NSUN7: variants seen among roughly 807,000 people sequenced by gnomAD.
NSUN7 encodes protein NSUN7.
Under a neutral mutation model 58.5 loss-of-function variants are expected in NSUN7, and 39 were observed. The observed-to-expected ratio is 0.67, with a 90% CI of 0.52 to 0.87. The LOEUF (loss-of-function observed/expected upper bound fraction) is 0.87, where lower values mean the gene tolerates loss of function less well. NSUN7 is among the 40% of genes least tolerant of loss of function. The probability of loss-of-function intolerance (pLI) is 0.00; values close to 1 mark genes in which losing one functional copy is unlikely to be tolerated. For missense variants in NSUN7, 765 were observed against 844.1 expected (o/e 0.91, Z 1.16); for synonymous variants, 278 against 303.7 (o/e 0.92, Z 0.88).
chr4:40,764,765 T>C (rs199785543), intron 4 of NSUN7, among the ~76,000 whole-genome samples: 43,390 of 151,274 alleles, frequency 0.29, 6,540 homozygotes, highest in Non-Finnish European at 0.33. Context: ...TTTTAATGAT[T>C]GCCATTCTAA....
intron 10 of NSUN7, among the ~76,000 whole-genome samples, chr4:40,801,901 C>CAAAAAAAAAAAAAAA (rs56868885): frequency 1.9e-5 from 2 of 107,402 alleles, no homozygotes; most frequent in Non-Finnish European, 4.0e-5. Flanking sequence ...GACTCTGTCT[C>CAAAAAAAAAAAAAAA]AAAAAAAAAA....
intron 7 of NSUN7, among the ~76,000 whole-genome samples, chr4:40,785,539 T>A (rs1184051909): frequency 1.3e-5 from 2 of 151,948 alleles, no homozygotes; most frequent in African/African-American, 4.8e-5. Flanking sequence ...TTTAGTATTT[T>A]TAGTAGAGAT....
At chr4:40,799,968 C>G (rs565771301) in intron 10 of NSUN7, among the ~76,000 whole-genome samples, 2 of 152,258 alleles carry the variant, frequency 1.3e-5, no homozygotes, top group East Asian at 1.9e-4. Context: ...AAAACAAAAG[C>G]CTTTTTCCAA....
chr4:40,786,527 A>G (rs2953325), intron 7 of NSUN7: 1,275,229 of 1,613,044 alleles, frequency 0.79, 507,618 homozygotes, highest in African/African-American at 0.87. Context: ...CAAGATTTGA[A>G]GAACTCATTG....
chr4:40,761,387 A>G, intron 4 of NSUN7, 86 bp downstream of exon 4: 1 of 1,064,808 alleles, frequency 9.4e-7, no homozygotes, highest in Non-Finnish European at 1.4e-6. Flanking sequence ...TAATGTGTAG[A>G]TAAGAGTTAA....
In NSUN7 at chr4:40,809,110, G is replaced by A. The variant is rs75287133; in HGVS notation, c.*171G>A. On this transcript the variant is annotated 3_prime_UTR_variant, in exon 12 of 12. Coordinates refer to ENST00000381782, the MANE Select transcript of NSUN7 (RefSeq NM_024677.6). ...ATTCAGACAAGTGAGAAACAATAAT[G>A]TAGGAGTCAGCAAAGCAGAATTCAG... 934 of 694,566 alleles carry A rather than the reference G, an allele frequency of 1.3e-3. 6 individuals are homozygous for A. In the African/African-American group the frequency reaches 0.014, roughly 11 times the overall value. 43.0% of individuals were successfully genotyped at this position (694,566 alleles called of 1,614,324 possible).
At chr4:40,761,712 G>GA (rs552743785) in intron 4 of NSUN7, among the ~76,000 whole-genome samples, 3 of 151,132 alleles carry the variant, frequency 2.0e-5, no homozygotes, top group East Asian at 3.9e-4. Context: ...CCAAAGTAAA[G>GA]AAAAAAAAAT....
chr4:40,803,135 T>C (rs1242246016), intron 10 of NSUN7, among the ~76,000 whole-genome samples: 10 of 151,962 alleles, frequency 6.6e-5, no homozygotes, highest in African/African-American at 9.7e-5. Context: ...TTTATGGCTG[T>C]ATAGTATTCC....
At chr4:40,760,611 C>A in intron 3 of NSUN7, 119 bp downstream of exon 3, 1 of 745,616 alleles carries the variant, frequency 1.3e-6, no homozygotes, top group South Asian at 1.8e-5. Context: ...ACCTGTAATC[C>A]CAGCACTTTG....
rs1183596057 is a variant in NSUN7, at chr4:40,763,337, A to T, written c.488+2036A>T. The stretch of plus-strand genomic sequence containing the variant: ...CGCCTGTTTACTTTGTGTCTGGGGG[A>T]AACCACCTTATTGCTAGTACCAGTA... On this transcript the variant is annotated intron_variant, in intron 4 of 11. Coordinates refer to ENST00000381782, the MANE Select transcript of NSUN7 (RefSeq NM_024677.6). 4.6e-5 allele frequency among the ~76,000 whole-genome samples: 7 copies of T among 152,258 alleles called. No individual in the cohort carries two copies. The Middle Eastern group carries it at 0.014, about 296-fold the overall frequency.
intron 7 of NSUN7, among the ~76,000 whole-genome samples, chr4:40,787,971 A>G (rs10033303): frequency 0.47 from 71,076 of 151,954 alleles, 16,899 homozygotes; most frequent in Admixed American, 0.59. Context: ...AGTAGCTGGG[A>G]TTACAGAGGC....
At chr4:40,758,403 A>T (rs1320118385) in intron 2 of NSUN7, among the ~76,000 whole-genome samples, 1 of 152,180 alleles carries the variant, frequency 6.6e-6, no homozygotes, top group Non-Finnish European at 1.5e-5. Context: ...TTATAAGCAT[A>T]ATTACCTTGT....
chr4:40,751,197 G>A (rs1740815930), intron 2 of NSUN7, among the ~76,000 whole-genome samples: 2 of 152,192 alleles, frequency 1.3e-5, no homozygotes, highest in South Asian at 4.1e-4. Flanking sequence ...ATTTCCCCGT[G>A]CACTGTGTTT....
At chr4:40,779,828 G>A (rs902314624) in intron 7 of NSUN7, among the ~76,000 whole-genome samples, 1 of 152,088 alleles carries the variant, frequency 6.6e-6, no homozygotes, top group African/African-American at 2.4e-5. Flanking sequence ...TGTGTCCTAT[G>A]GTTTTTGCTT....
intron 8 of NSUN7, among the ~76,000 whole-genome samples, chr4:40,791,619 A>C (rs1396206042): frequency 6.6e-6 from 1 of 152,218 alleles, no homozygotes; most frequent in Non-Finnish European, 1.5e-5. Context: ...ACTTATGCTT[A>C]TCCCTTGCTT....
chr4:40,787,346 TAAAA>T (rs907881407), intron 7 of NSUN7, among the ~76,000 whole-genome samples: 5 of 143,822 alleles, frequency 3.5e-5, no homozygotes, highest in East Asian at 3.9e-4. Context: ...AATAAAAAAA[TAAAA>T]AAAGTGATTT....
intron 10 of NSUN7, among the ~76,000 whole-genome samples, chr4:40,806,473 A>T (rs1320773655): frequency 1.3e-5 from 2 of 152,198 alleles, no homozygotes; most frequent in African/African-American, 4.8e-5. Context: ...ATAAAAACTG[A>T]AATTTTCATT....
Position 40,774,757 on chromosome 4 carries a change from A to G in NSUN7, c.642-10A>G, listed in dbSNP as rs772527171. 15 of 1,451,944 alleles carry G rather than the reference A, an allele frequency of 1.0e-5. No homozygotes were observed. Among genetic ancestry groups the G allele is most frequent in the South Asian group, 1.3e-5 (1 of 78,188 alleles). The allele number at this position is 1,451,944 out of a possible 1,614,324, so 89.9% of individuals were successfully genotyped here. ...ATTTGTAATTACAAGCTAATGTTGT[A>G]TATTTACAGCCCTGAAGAAGTTTAT... is the stretch of plus-strand genomic sequence containing the variant. On this transcript the variant is annotated splice_polypyrimidine_tract_variant and intron_variant, in intron 5 of 11. Coordinates refer to ENST00000381782, the MANE Select transcript of NSUN7 (RefSeq NM_024677.6).
At chr4:40,784,123 T>G (rs1742701652) in intron 7 of NSUN7, among the ~76,000 whole-genome samples, 1 of 152,086 alleles carries the variant, frequency 6.6e-6, no homozygotes, top group Non-Finnish European at 1.5e-5. Context: ...ATGGCTATAG[T>G]AAAAAACAGG....
Sources: gnomAD v4.1 joint callset for allele counts (sites outside exome capture counted in the v4.1 genomes callset) on GRCh38, gnomAD v4.1.1 for gene constraint, MANE v1.5 for transcripts, NCBI Gene and HGNC (gene_info 2026-07-23, HGNC 2026-07-21) for gene names.